CPQ: variants seen among roughly 807,000 people sequenced by gnomAD.
CPQ encodes Ser-Met dipeptidase.
In CPQ, 37 loss-of-function variants were observed where a neutral mutation model predicts 45.7. The observed-to-expected ratio is 0.81, with a 90% confidence interval of 0.62 to 1.07. CPQ has a LOEUF of 1.07. Ranked by LOEUF, CPQ falls within the 50% of genes least tolerant of loss-of-function variation. CPQ has a pLI of 0.00. For missense variants in CPQ, 537 were observed against 572.9 expected (o/e 0.94, Z 0.64); for synonymous variants, 186 against 205.8 (o/e 0.90, Z 0.82).
At chr8:97,060,830 G>A (rs1810538273) in intron 6 of CPQ, among the ~76,000 whole-genome samples, 1 of 152,120 alleles carries the variant, frequency 6.6e-6, no homozygotes, top group Admixed American at 6.5e-5. Context: ...AGCACACTAA[G>A]GAATAAGGAT....
intron 1 of CPQ, among the ~76,000 whole-genome samples, chr8:96,782,577 T>C (rs1810702958): frequency 6.6e-6 from 1 of 152,166 alleles, no homozygotes; most frequent in African/African-American, 2.4e-5. Context: ...TTACTAGCCA[T>C]ACAAACCTTT....
At chr8:96,696,505 G>A (rs889577938) in intron 1 of CPQ, among the ~76,000 whole-genome samples, 1 of 150,504 alleles carries the variant, frequency 6.6e-6, no homozygotes, top group Non-Finnish European at 1.5e-5. Flanking sequence ...ATTAGTAGAA[G>A]AAAATAAATA....
intron 6 of CPQ, among the ~76,000 whole-genome samples, chr8:97,050,046 G>C (rs534054999): frequency 6.6e-6 from 1 of 152,024 alleles, no homozygotes; most frequent in East Asian, 1.9e-4. Flanking sequence ...AACTCTAAGG[G>C]AGCTTTTGGC....
At chr8:96,830,694 A>C (rs1157918409) in intron 2 of CPQ, among the ~76,000 whole-genome samples, 1 of 152,060 alleles carries the variant, frequency 6.6e-6, no homozygotes, top group East Asian at 1.9e-4. Context: ...CTAGGATGAA[A>C]CACCCCTCCC....
At chr8:96,909,624 A>G (rs571585271) in intron 4 of CPQ, among the ~76,000 whole-genome samples, 4 of 152,240 alleles carry the variant, frequency 2.6e-5, no homozygotes, top group Admixed American at 6.5e-5. Context: ...CAGTGGTGTG[A>G]CTGTCCTGCT....
chr8:96,743,277 A>C (rs1308090919), intron 1 of CPQ, among the ~76,000 whole-genome samples: 15 of 151,726 alleles, frequency 9.9e-5, no homozygotes, highest in East Asian at 9.7e-4. Flanking sequence ...TCGGCTCCTG[A>C]GGCTTCTGCA....
At chr8:97,090,756 C>T (rs746694916) in intron 7 of CPQ, among the ~76,000 whole-genome samples, 1 of 152,152 alleles carries the variant, frequency 6.6e-6, no homozygotes, top group Non-Finnish European at 1.5e-5. Context: ...CATTTAAGAG[C>T]AGCAGGAGCT....
intron 7 of CPQ, among the ~76,000 whole-genome samples, chr8:97,114,970 A>G (rs1187802940): frequency 2.0e-5 from 3 of 152,226 alleles, no homozygotes; most frequent in African/African-American, 7.2e-5. Context: ...TACAGAGCAC[A>G]AGGCAGAAAC....
At chr8:96,838,866 AC>A (rs1471224555) in intron 3 of CPQ, among the ~76,000 whole-genome samples, 1 of 152,092 alleles carries the variant, frequency 6.6e-6, no homozygotes, top group Non-Finnish European at 1.5e-5. Flanking sequence ...AACAACTTGA[AC>A]TTTTAGGGTA....
intron 7 of CPQ, among the ~76,000 whole-genome samples, chr8:97,072,973 G>A (rs1810773286): frequency 6.6e-6 from 1 of 152,162 alleles, no homozygotes; most frequent in South Asian, 2.1e-4. Context: ...TCTGTAGGAA[G>A]AGTAAGATAA....
intron 3 of CPQ, among the ~76,000 whole-genome samples, chr8:96,837,536 C>A (rs1811546085): frequency 6.6e-6 from 1 of 152,092 alleles, no homozygotes; most frequent in Non-Finnish European, 1.5e-5. Context: ...ACTCTCTTCT[C>A]TATTCCTTCC....
At chr8:97,017,082 CA>C (rs1219542649) in intron 5 of CPQ, among the ~76,000 whole-genome samples, 1 of 152,120 alleles carries the variant, frequency 6.6e-6, no homozygotes, top group Admixed American at 6.5e-5. Context: ...TAAGACACCC[CA>C]AAAAACTGTA....
rs71267280 is a variant in CPQ at position 96,783,260 on chromosome 8, A to AGTGTGTGTGTGTGTGT, written c.-34-1594_-34-1579dup. Among the ~76,000 whole-genome samples, 708 of 147,974 alleles carry AGTGTGTGTGTGTGTGT rather than the reference A, an allele frequency of 4.8e-3. 5 individuals are homozygous for AGTGTGTGTGTGTGTGT. Among genetic ancestry groups the AGTGTGTGTGTGTGTGT allele is most frequent in the Admixed American group, 0.012 (183 of 14,714 alleles). On this transcript the variant is annotated intron_variant, in intron 1 of 7. Coordinates refer to ENST00000220763, the MANE Select transcript of CPQ (RefSeq NM_016134.4). ...TACCAATTTTTGTCTTAGTTGTGTG[A>AGTGTGTGTGTGTGTGT]GTGTGTGTGTGTGTGTGTGTGTGTG... is the stretch of plus-strand genomic sequence containing the variant.
At chr8:96,987,043 A>G (rs1808998286) in intron 5 of CPQ, among the ~76,000 whole-genome samples, 1 of 152,072 alleles carries the variant, frequency 6.6e-6, no homozygotes. Context: ...CATGTGGGAA[A>G]TGGGCACGTG....
At chr8:96,730,017 C>T (rs951627023) in intron 1 of CPQ, among the ~76,000 whole-genome samples, 2 of 152,126 alleles carry the variant, frequency 1.3e-5, no homozygotes, top group African/African-American at 4.8e-5. Flanking sequence ...TTGGCAGTGG[C>T]CAGGACACCC....
intron 2 of CPQ, among the ~76,000 whole-genome samples, chr8:96,799,649 AG>A (rs1245903720): frequency 6.6e-6 from 1 of 152,184 alleles, no homozygotes; most frequent in African/African-American, 2.4e-5. Flanking sequence ...ATGAGGAAGT[AG>A]GGGGCCAAGG....
In CPQ at chr8:96,838,779, G is replaced by A. The variant is rs1811566101; in HGVS notation, c.641+3599G>A. Among the ~76,000 whole-genome samples the A allele has an allele frequency of 2.0e-5, 3 of 152,034 alleles. No individual in the cohort carries two copies. The South Asian group carries it at 6.2e-4, about 31-fold the overall frequency. ...AGGATGTAGAGTAAATCATGGCAGGGCTCTCGTAACAAACCAGCTGACCCG... is the reference window on the plus strand; with the variant it reads ...AGGATGTAGAGTAAATCATGGCAGGACTCTCGTAACAAACCAGCTGACCCG... On this transcript the variant is annotated intron_variant, in intron 3 of 7. Transcript: ENST00000220763.
At chr8:97,123,765 CA>C (rs200193545) in intron 7 of CPQ, among the ~76,000 whole-genome samples, 3,622 of 150,936 alleles carry the variant, frequency 0.024, 89 homozygotes, top group African/African-American at 0.057. Flanking sequence ...ATGCTATTTA[CA>C]AAAAAAATAT....
intron 5 of CPQ, among the ~76,000 whole-genome samples, chr8:96,974,975 G>A (rs1163266269): frequency 2.0e-5 from 3 of 151,528 alleles, no homozygotes; most frequent in African/African-American, 7.3e-5. Flanking sequence ...AAGAACAATC[G>A]AAACCCAAAC....
Sources: allele counts gnomAD v4.1 joint callset (sites outside exome capture counted in the v4.1 genomes callset), GRCh38; gene constraint gnomAD v4.1.1; transcripts MANE v1.5; gene names NCBI Gene and HGNC (gene_info 2026-07-23, HGNC 2026-07-21).